Variants in OSBPL9 observed in about 807,000 individuals in gnomAD.
OSBPL9 encodes oxysterol binding protein like 9.
In OSBPL9, 40 loss-of-function variants were observed where a neutral mutation model predicts 106.6. The observed-to-expected ratio is 0.38, with a 90% CI of 0.29 to 0.49. OSBPL9 has a LOEUF of 0.49. Among genes scored for constraint, OSBPL9 ranks in the 20% least tolerant of loss-of-function variants. OSBPL9 has a pLI of 0.97. For missense variants in OSBPL9, 609 were observed against 887.2 expected, an observed-to-expected ratio of 0.69 and a Z score of 3.98; for synonymous variants, 269 against 295.4, an observed-to-expected ratio of 0.91 and a Z score of 0.92.
chr1:51,730,212 G>A (rs1664076462), intron 4 of OSBPL9: 2 of 1,195,628 alleles, frequency 1.7e-6, no homozygotes, highest in Admixed American at 4.2e-5. Context: ...TGAGGTCAGG[G>A]CCTCCAGTTC....
intron 3 of OSBPL9, among the ~76,000 whole-genome samples, chr1:51,674,143 C>T (rs1490971729): frequency 3.3e-5 from 5 of 150,826 alleles, no homozygotes; most frequent in Admixed American, 2.0e-4. Flanking sequence ...ACTGCAGCCT[C>T]GACTTGCTGG....
chr1:51,548,762 G>GA, the OSBPL9 span, among the ~76,000 whole-genome samples: 1 of 152,176 alleles, frequency 6.6e-6, no homozygotes, highest in South Asian at 2.1e-4. Flanking sequence ...TCAAAGGTGA[G>GA]AGCAGCAGCT....
intron 3 of OSBPL9, among the ~76,000 whole-genome samples, chr1:51,678,049 C>G (rs1651700598): frequency 6.6e-6 from 1 of 151,760 alleles, no homozygotes; most frequent in South Asian, 2.1e-4. Context: ...AGCATGGTGG[C>G]GTGTGTGCCT....
chr1:51,712,156 A>G (rs1029087316), intron 3 of OSBPL9, among the ~76,000 whole-genome samples: 2 of 152,166 alleles, frequency 1.3e-5, no homozygotes, highest in African/African-American at 4.8e-5. Flanking sequence ...TCCGTCTGCA[A>G]TCCCGGCACC....
chr1:51,620,763 T>C (rs1161820404), intron 1 of OSBPL9, among the ~76,000 whole-genome samples: 2 of 152,214 alleles, frequency 1.3e-5, no homozygotes, highest in African/African-American at 4.8e-5. Flanking sequence ...GAATTTGAAC[T>C]TTATCCCCAG....
At chr1:51,525,739 G>A in the OSBPL9 span, among the ~76,000 whole-genome samples, 1 of 152,114 alleles carries the variant, frequency 6.6e-6, no homozygotes, top group Non-Finnish European at 1.5e-5. Context: ...TTTTGCCTAA[G>A]TTCATTCTCC....
At chr1:51,768,173 C>G (rs1239318114) in intron 12 of OSBPL9, among the ~76,000 whole-genome samples, 1 of 152,016 alleles carries the variant, frequency 6.6e-6, no homozygotes, top group Non-Finnish European at 1.5e-5. Flanking sequence ...GATCTCCTGA[C>G]CTCATGATCA....
At position 51,756,344 on chromosome 1, in the gene OSBPL9, G is replaced by A. The variant is rs72900003; in HGVS notation, c.568G>A (p.Ala190Thr). 2,212 of 1,612,982 alleles carry A rather than the reference G, an allele frequency of 1.4e-3. 27 individuals carry two copies. In the African/African-American group the frequency reaches 0.026, roughly 19 times the overall value. ...GGACCAGAGTAATGCGGAGAAGCAC[G>A]CAGATGGAATGATAGTAAGTTTAAT... Reference protein sequence around the residue: ...AKDQSNAEKHADGMISTINPV... With the variant: ...AKDQSNAEKHTDGMISTINPV... Residue 190 changes from alanine (A) to threonine (T), a missense_variant, in exon 9 of 24, where the codon GCA becomes ACA. Ala to Thr is a moderately conservative substitution (Grantham distance 58). Around this residue, in one of 5 missense-constraint regions of OSBPL9, gnomAD observed 356 missense variants for 505.8 expected, o/e 0.70. Coordinates refer to ENST00000428468, the MANE Select transcript of OSBPL9 (RefSeq NM_024586.6).
At chr1:51,715,590 G>A (rs1048059438) in intron 4 of OSBPL9, among the ~76,000 whole-genome samples, 2 of 152,066 alleles carry the variant, frequency 1.3e-5, no homozygotes, top group Non-Finnish European at 2.9e-5. Context: ...AAGAGGGGAG[G>A]ATAAGTGTTT....
chr1:51,630,804 C>T (rs1287211394), intron 1 of OSBPL9, among the ~76,000 whole-genome samples: 1 of 151,914 alleles, frequency 6.6e-6, no homozygotes, highest in Non-Finnish European at 1.5e-5. Flanking sequence ...TTTTTGACTC[C>T]TTCGTATTGA....
chr1:51,676,544 A>T (rs1324254376), intron 3 of OSBPL9, among the ~76,000 whole-genome samples: 1 of 151,884 alleles, frequency 6.6e-6, no homozygotes, highest in African/African-American at 2.4e-5. Context: ...CTGTAATCCC[A>T]GCTACTTGGG....
chr1:51,608,788 C>T (rs373044265), intron 2 of OSBPL9, among the ~76,000 whole-genome samples: 12 of 152,124 alleles, frequency 7.9e-5, no homozygotes, highest in South Asian at 6.2e-4. Flanking sequence ...TTATAAATCT[C>T]TCTCACCTTG....
the OSBPL9 span, among the ~76,000 whole-genome samples, chr1:51,533,576 G>A: frequency 1.4e-3 from 209 of 151,824 alleles, 2 homozygotes; most frequent in African/African-American, 4.5e-3. Flanking sequence ...AGGAATCTGC[G>A]AGTAAACGTA....
At chr1:51,527,365 G>C in the OSBPL9 span, among the ~76,000 whole-genome samples, 1 of 151,920 alleles carries the variant, frequency 6.6e-6, no homozygotes, top group Non-Finnish European at 1.5e-5. Flanking sequence ...TGATGATGAT[G>C]ATGATGGTGA....
chr1:51,531,231 T>C, the OSBPL9 span, among the ~76,000 whole-genome samples: 1 of 152,176 alleles, frequency 6.6e-6, no homozygotes, highest in Non-Finnish European at 1.5e-5. Flanking sequence ...TGAGCCAAGA[T>C]CGTGCCACTG....
chr1:51,600,800 C>G (rs536253423), intron 2 of OSBPL9, among the ~76,000 whole-genome samples: 1 of 152,080 alleles, frequency 6.6e-6, no homozygotes, highest in Non-Finnish European at 1.5e-5. Context: ...GCACTTGGCA[C>G]AGAATAAGAA....
Position 51,617,191 on chromosome 1 carries a change from C to T in OSBPL9, c.81C>T (p.Asp27=). Reference sequence around the variant, plus strand: ...GGCAGTACCGTTGGTTCGTGCTGGACTACAATGCAGGACTGCTCTCCTACT... The same window carrying T: ...GGCAGTACCGTTGGTTCGTGCTGGATTACAATGCAGGACTGCTCTCCTACT... ...KGWQYRWFVL[D]YNAGLLSYYT... Residue 27 remains aspartate (D), a synonymous_variant, in exon 1 of 24, where the codon GAC becomes GAT. Transcript: ENST00000428468. 1.2e-6 allele frequency: 2 copies of T among 1,613,568 alleles called. No homozygotes were observed. The highest frequency in any genetic ancestry group is 1.1e-5 in the South Asian group (1 of 90,842).
At chr1:51,520,523 A>G in the OSBPL9 span, among the ~76,000 whole-genome samples, 3 of 152,194 alleles carry the variant, frequency 2.0e-5, no homozygotes, top group Non-Finnish European at 4.4e-5. Context: ...GGGCTGACTC[A>G]CTGCTTTATC....
intron 7 of OSBPL9, chr1:51,749,420 C>G (rs958077602): frequency 7.6e-6 from 2 of 261,908 alleles, no homozygotes; most frequent in Non-Finnish European, 1.7e-5. Flanking sequence ...TCAGACAATC[C>G]TCCTGCTTCA....
Sources: allele counts gnomAD v4.1 joint callset (sites outside exome capture counted in the v4.1 genomes callset), GRCh38; gene constraint gnomAD v4.1.1; regional missense constraint gnomAD v4.1.1; transcripts MANE v1.5; gene names NCBI Gene and HGNC (gene_info 2026-07-23, HGNC 2026-07-21).